The following ENOX1 variants were observed in gnomAD, a reference collection of about 807,000 sequenced individuals.
ENOX1 encodes candidate growth-related and time keeping constitutive hydroquinone (NADH) oxidase.
ENOX1 carries 42 observed loss-of-function variants against 82.5 expected under a neutral mutation model. That is an observed-to-expected ratio of 0.51 (90% CI 0.40 to 0.66). The LOEUF (loss-of-function observed/expected upper bound fraction) is 0.66, where lower values mean the gene tolerates loss of function less well. Ranked by LOEUF, ENOX1 falls within the 30% of genes least tolerant of loss-of-function variation. The pLI, the probability that ENOX1 is intolerant of heterozygous loss-of-function variation, is 0.00. For synonymous variants in ENOX1, 271 were observed against 282.2 expected (o/e 0.96, Z 0.40); for missense variants, 608 against 811.6 (o/e 0.75, Z 3.05).
chr13:43,477,001 C>G (rs537942000), intron 3 of ENOX1, among the ~76,000 whole-genome samples: 2 of 150,878 alleles, frequency 1.3e-5, no homozygotes, highest in African/African-American at 4.9e-5. Context: ...AACAATTAAC[C>G]ACTATGAATG....
intron 6 of ENOX1, 86 bp downstream of exon 6, chr13:43,361,193 C>A: frequency 1.4e-6 from 2 of 1,384,980 alleles, no homozygotes; most frequent in Non-Finnish European, 2.0e-6. Context: ...GTGTGAGTCA[C>A]ATCTGAAAAT....
At chr13:43,655,672 C>T (rs974062319) in intron 2 of ENOX1, among the ~76,000 whole-genome samples, 30 of 152,186 alleles carry the variant, frequency 2.0e-4, no homozygotes, top group African/African-American at 7.0e-4. Flanking sequence ...CCACAGCTGA[C>T]TCCTTTGATT....
At chr13:43,246,864 T>C (rs1024335582) in intron 14 of ENOX1, among the ~76,000 whole-genome samples, 3 of 151,760 alleles carry the variant, frequency 2.0e-5, no homozygotes, top group Non-Finnish European at 4.4e-5. Context: ...AAAAGGTGGA[T>C]AGAGAAGCCA....
At chr13:43,350,771 G>A (rs1181523861) in intron 8 of ENOX1, among the ~76,000 whole-genome samples, 4 of 152,134 alleles carry the variant, frequency 2.6e-5, no homozygotes, top group Non-Finnish European at 5.9e-5. Context: ...CGCTTTGTGT[G>A]CACAGGGAGA....
intron 7 of ENOX1, 39 bp from the exon 8 acceptor site, chr13:43,356,191 C>CTCTGGTCACACCAT: frequency 6.3e-7 from 1 of 1,593,240 alleles, no homozygotes; most frequent in East Asian, 2.3e-5. Context: ...CATAATGTAA[C>CTCTGGTCACACCAT]AATGGCCACA....
At chr13:43,739,445 A>G (rs911360779) in intron 1 of ENOX1, among the ~76,000 whole-genome samples, 1 of 152,016 alleles carries the variant, frequency 6.6e-6, no homozygotes, top group Non-Finnish European at 1.5e-5. Flanking sequence ...GCTACTTGGG[A>G]GGCTGAGGTG....
At chr13:43,488,847 A>C (rs977955035) in intron 2 of ENOX1, among the ~76,000 whole-genome samples, 2 of 152,202 alleles carry the variant, frequency 1.3e-5, no homozygotes, top group Non-Finnish European at 2.9e-5. Context: ...CTTTGTTATA[A>C]AATGGCAAAG....
intron 14 of ENOX1, among the ~76,000 whole-genome samples, chr13:43,248,084 A>G (rs971080442): frequency 1.3e-5 from 2 of 149,438 alleles, no homozygotes; most frequent in African/African-American, 4.9e-5. Context: ...ACGGGGTTTC[A>G]CCGTGTTAGC....
chr13:43,734,992 CTG>C (rs1458440686), intron 1 of ENOX1, among the ~76,000 whole-genome samples: 1 of 152,170 alleles, frequency 6.6e-6, no homozygotes, highest in East Asian at 1.9e-4. Flanking sequence ...TTCTACCAGA[CTG>C]TGATCCCAAT....
chr13:43,396,130 G>C (rs1198047460), intron 5 of ENOX1, among the ~76,000 whole-genome samples: 1 of 152,058 alleles, frequency 6.6e-6, no homozygotes, highest in Non-Finnish European at 1.5e-5. Context: ...ATTCATTTTC[G>C]TGTTTATCCT....
intron 12 of ENOX1, among the ~76,000 whole-genome samples, chr13:43,282,381 G>A (rs1050226664): frequency 4.6e-5 from 7 of 151,398 alleles, no homozygotes; most frequent in Middle Eastern, 3.2e-3. Flanking sequence ...CTAGCCTTAC[G>A]AATTAGTTGG....
At chr13:43,424,900 A>G (rs1407671777) in intron 3 of ENOX1, among the ~76,000 whole-genome samples, 1 of 152,190 alleles carries the variant, frequency 6.6e-6, no homozygotes, top group East Asian at 1.9e-4. Context: ...AGCCTGATGC[A>G]AATGACTGCA....
chr13:43,240,145 C>A (rs2042746942), intron 14 of ENOX1, among the ~76,000 whole-genome samples: 1 of 152,154 alleles, frequency 6.6e-6, no homozygotes, highest in Non-Finnish European at 1.5e-5. Context: ...ATTCCCAAAC[C>A]AATTCCCTGT....
In ENOX1 at chr13:43,528,736, A is replaced by G. The variant is rs565204978; in HGVS notation, c.-218-44584T>C. ...TAGGTTCAAAAAGTTTTCCACGAGA[A>G]TTTTAAAGTCTTGTGCTTCACTGTA... is the stretch of plus-strand genomic sequence containing the variant. On this transcript the variant is annotated intron_variant, in intron 2 of 16. Transcript: ENST00000690772. Among the ~76,000 whole-genome samples, 22 of 152,202 alleles carry G rather than the reference A, an allele frequency of 1.4e-4. 1 individual carries two copies. In the South Asian group the frequency reaches 4.6e-3, roughly 32 times the overall value.
chr13:43,732,235 AGACGAACTCCAAG>A (rs999956102), intron 1 of ENOX1, among the ~76,000 whole-genome samples: 56 of 152,322 alleles, frequency 3.7e-4, no homozygotes, highest in African/African-American at 1.1e-3. Flanking sequence ...AGGATGGATA[AGACGAACTCCAAG>A]GACCTGTTCC....
chr13:43,257,619 G>T (rs2153474176), intron 14 of ENOX1, among the ~76,000 whole-genome samples: 1 of 152,262 alleles, frequency 6.6e-6, no homozygotes, highest in East Asian at 1.9e-4. Flanking sequence ...ATGGCAAATG[G>T]TTATCTTTTT....
At chr13:43,288,930 C>T (rs955611414) in intron 12 of ENOX1, among the ~76,000 whole-genome samples, 2 of 152,120 alleles carry the variant, frequency 1.3e-5, no homozygotes, top group Non-Finnish European at 2.9e-5. Context: ...CAACAACATC[C>T]AGGCTGAGAG....
At chr13:43,291,953 A>G (rs1296314322) in intron 12 of ENOX1, among the ~76,000 whole-genome samples, 1 of 152,176 alleles carries the variant, frequency 6.6e-6, no homozygotes, top group African/African-American at 2.4e-5. Flanking sequence ...CCCAGGAGAA[A>G]GACTCGGCCA....
intron 2 of ENOX1, among the ~76,000 whole-genome samples, chr13:43,567,684 G>T: frequency 6.6e-6 from 1 of 152,110 alleles, no homozygotes; most frequent in East Asian, 1.9e-4. Flanking sequence ...GCAGATGAGG[G>T]ATCAGTGCTT....
Sources: allele counts gnomAD v4.1 joint callset (sites outside exome capture counted in the v4.1 genomes callset), GRCh38; gene constraint gnomAD v4.1.1; transcripts MANE v1.5; gene names NCBI Gene and HGNC (gene_info 2026-07-23, HGNC 2026-07-21).